PDE11A: variants seen among roughly 807,000 people sequenced by gnomAD.
PDE11A encodes the protein phosphodiesterase 11A, also known as dual 3',5'-cyclic-AMP and -GMP phosphodiesterase 11A.
PDE11A carries 100 observed loss-of-function variants against 100.5 expected under a neutral mutation model. The observed-to-expected ratio is 1.00, with a 90% CI of 0.85 to 1.18. The LOEUF (loss-of-function observed/expected upper bound fraction) is 1.18, where lower values mean the gene tolerates loss of function less well. Ranked by LOEUF, PDE11A falls within the 50% of genes most tolerant of loss-of-function variation. The pLI is 0.00. For missense variants in PDE11A, 1,141 were observed against 1,152.6 expected (o/e 0.99, Z 0.15); for synonymous variants, 381 against 420.8 (o/e 0.91, Z 1.16).
At chr2:177,995,522 T>A (rs747959327) in intron 2 of PDE11A, among the ~76,000 whole-genome samples, 50 of 152,324 alleles carry the variant, frequency 3.3e-4, no homozygotes, top group Middle Eastern at 6.8e-3. Flanking sequence ...AGGCGTTTGA[T>A]TTGAATAGCA....
At chr2:177,923,214 C>T (rs767903172) in intron 2 of PDE11A, among the ~76,000 whole-genome samples, 5 of 151,710 alleles carry the variant, frequency 3.3e-5, no homozygotes, top group Non-Finnish European at 5.9e-5. Context: ...TCTTGCTCTG[C>T]TGCCAAGGCT....
intron 2 of PDE11A, among the ~76,000 whole-genome samples, chr2:177,957,910 C>CTTTTTTTTTTTT (rs748839068): frequency 1.7e-5 from 2 of 114,452 alleles, no homozygotes; most frequent in Admixed American, 8.4e-5. Context: ...TTTCCAATGC[C>CTTTTTTTTTTTT]TTTTTTTTGA....
intron 19 of PDE11A, among the ~76,000 whole-genome samples, chr2:177,649,238 A>G (rs933385969): frequency 6.6e-6 from 1 of 152,180 alleles, no homozygotes; most frequent in South Asian, 2.1e-4. Flanking sequence ...AAATGCTTAT[A>G]TGCCAAATGC....
chr2:177,756,553 G>C (rs1432573345), intron 10 of PDE11A, among the ~76,000 whole-genome samples: 1 of 152,190 alleles, frequency 6.6e-6, no homozygotes, highest in African/African-American at 2.4e-5. Context: ...AAGTGTTGAG[G>C]ACGGCCACCT....
chr2:177,819,579 T>C (rs1282948343), intron 7 of PDE11A, among the ~76,000 whole-genome samples: 1 of 152,016 alleles, frequency 6.6e-6, no homozygotes, highest in Non-Finnish European at 1.5e-5. Context: ...GAAAGGAGAA[T>C]GGAGGAAGAG....
intron 2 of PDE11A, among the ~76,000 whole-genome samples, chr2:177,939,502 AGGAGGGAGGGAGGGAAG>A (rs1393193605): frequency 5.3e-5 from 5 of 93,826 alleles, no homozygotes; most frequent in Admixed American, 1.4e-4. Context: ...GGAGGAGGGA[AGGAGGGAGGGAGGGAAG>A]GGAGGGAGGG....
At chr2:177,640,051 C>T (rs953265369) in intron 19 of PDE11A, among the ~76,000 whole-genome samples, 2 of 152,170 alleles carry the variant, frequency 1.3e-5, no homozygotes, top group African/African-American at 4.8e-5. Context: ...TTTTGGCCCC[C>T]TATTGTTGAA....
chr2:178,004,787 A>G (rs1317223600), intron 2 of PDE11A, among the ~76,000 whole-genome samples: 1 of 152,074 alleles, frequency 6.6e-6, no homozygotes, highest in Admixed American at 6.6e-5. Context: ...TTTTCCTCCT[A>G]GATGTGCCAG....
chr2:177,653,581 C>T (rs139335800), intron 19 of PDE11A, among the ~76,000 whole-genome samples: 397 of 152,160 alleles, frequency 2.6e-3, no homozygotes, highest in African/African-American at 9.2e-3. Context: ...TAGAATGGGC[C>T]CTAAATCCAA....
At chr2:177,767,637 C>T (rs1400312081) in intron 10 of PDE11A, among the ~76,000 whole-genome samples, 1 of 152,094 alleles carries the variant, frequency 6.6e-6, no homozygotes, top group South Asian at 2.1e-4. Flanking sequence ...AATTTACATA[C>T]ATTAAGTAAA....
intron 6 of PDE11A, among the ~76,000 whole-genome samples, chr2:177,824,413 T>C (rs184399590): frequency 2.0e-4 from 30 of 152,324 alleles, no homozygotes; most frequent in Non-Finnish European, 4.0e-4. Context: ...TATTTAGTGC[T>C]GGAAGAAAAA....
At chr2:177,656,893 C>A (rs1317727838) in intron 19 of PDE11A, among the ~76,000 whole-genome samples, 1 of 152,088 alleles carries the variant, frequency 6.6e-6, no homozygotes, top group Non-Finnish European at 1.5e-5. Context: ...CAAAGGGTGT[C>A]TGGTAAGGAA....
chr2:177,656,448 A>T (rs1019983354), intron 19 of PDE11A, among the ~76,000 whole-genome samples: 2 of 151,906 alleles, frequency 1.3e-5, no homozygotes, highest in African/African-American at 4.8e-5. Context: ...ATTGTCAAAG[A>T]TGCATTTCTC....
chr2:177,700,654 T>G (rs1378766461), intron 14 of PDE11A, among the ~76,000 whole-genome samples: 1 of 152,176 alleles, frequency 6.6e-6, no homozygotes, highest in Non-Finnish European at 1.5e-5. Context: ...ACCAGCAATT[T>G]TAAGTTCTTT....
intron 19 of PDE11A, among the ~76,000 whole-genome samples, chr2:177,638,041 C>T (rs2080076501): frequency 7.3e-6 from 1 of 137,014 alleles, no homozygotes; most frequent in Non-Finnish European, 1.5e-5. Flanking sequence ...GCTCTGTCAC[C>T]CAGGCTGGAG....
chr2:178,031,796 G>A (rs376657355), intron 1 of PDE11A, among the ~76,000 whole-genome samples: 2 of 152,232 alleles, frequency 1.3e-5, no homozygotes, highest in African/African-American at 4.8e-5. Flanking sequence ...GCATGTGTGT[G>A]TATGTGTGAA....
intron 2 of PDE11A, among the ~76,000 whole-genome samples, chr2:177,945,433 G>A (rs1302764106): frequency 3.6e-5 from 5 of 140,278 alleles, no homozygotes; most frequent in African/African-American, 7.8e-5. Context: ...CTGCCCGGCC[G>A]CCCATCGTCT....
intron 5 of PDE11A, among the ~76,000 whole-genome samples, chr2:177,856,771 T>G (rs2083841388): frequency 6.6e-6 from 1 of 151,592 alleles, no homozygotes; most frequent in South Asian, 2.1e-4. Context: ...GTAAAAAGAA[T>G]GAAGAAAAAT....
chr2:177,775,548 G>A (rs1409623214), intron 9 of PDE11A, among the ~76,000 whole-genome samples: 1 of 152,180 alleles, frequency 6.6e-6, no homozygotes, highest in African/African-American at 2.4e-5. Context: ...AGCCTGGATC[G>A]TGACTGGACA....
Sources: allele counts gnomAD v4.1 joint callset (sites outside exome capture counted in the v4.1 genomes callset), GRCh38; gene constraint gnomAD v4.1.1; transcripts MANE v1.5; gene names NCBI Gene and HGNC (gene_info 2026-07-23, HGNC 2026-07-21).